WDR70: variants seen among roughly 807,000 people sequenced by gnomAD.
WDR70 encodes WD repeat-containing protein 70.
Under a neutral mutation model 88.6 loss-of-function variants are expected in WDR70, and 53 were observed. The observed-to-expected ratio is 0.60, with a 90% CI of 0.48 to 0.75. The LOEUF (loss-of-function observed/expected upper bound fraction) is 0.75. WDR70 is among the 30% of genes least tolerant of loss of function. WDR70 has a pLI of 0.00. For missense variants in WDR70, 610 were observed against 823.2 expected, an observed-to-expected ratio of 0.74 and a Z score of 3.17; for synonymous variants, 280 against 270.0, an observed-to-expected ratio of 1.04 and a Z score of -0.36.
intron 9 of WDR70, among the ~76,000 whole-genome samples, chr5:37,564,370 T>A (rs1742666791): frequency 6.6e-6 from 1 of 152,034 alleles, no homozygotes; most frequent in African/African-American, 2.4e-5. Context: ...CCAAAAAAAA[T>A]ACGAAAACCA....
intron 9 of WDR70, among the ~76,000 whole-genome samples, chr5:37,585,399 G>A (rs1290356906): frequency 6.6e-6 from 1 of 152,134 alleles, no homozygotes; most frequent in Admixed American, 6.5e-5. Flanking sequence ...GTCCCCAGAT[G>A]GATTCATTGT....
intron 7 of WDR70, among the ~76,000 whole-genome samples, chr5:37,473,964 ATAAATTTTCTACTAAATAC>A (rs1290553858): frequency 2.0e-5 from 3 of 152,192 alleles, no homozygotes; most frequent in Non-Finnish European, 4.4e-5. Flanking sequence ...ATTTAACTCC[ATAAATTTTCTACTAAATAC>A]TAAATTTTCT....
chr5:37,438,977 G>T (rs987345651), intron 6 of WDR70, among the ~76,000 whole-genome samples: 2 of 151,602 alleles, frequency 1.3e-5, no homozygotes, highest in African/African-American at 4.8e-5. Context: ...GAGTGCAGTG[G>T]TGTGATCTCG....
At chr5:37,575,494 G>C (rs1029138721) in intron 9 of WDR70, among the ~76,000 whole-genome samples, 1 of 152,168 alleles carries the variant, frequency 6.6e-6, no homozygotes, top group African/African-American at 2.4e-5. Context: ...TCCAGGGAGA[G>C]GAGTGAAGAT....
intron 16 of WDR70, among the ~76,000 whole-genome samples, chr5:37,726,651 T>A (rs979248705): frequency 2.0e-5 from 3 of 152,224 alleles, no homozygotes; most frequent in Admixed American, 6.5e-5. Context: ...GGTATCATTC[T>A]GTAAGTTAAG....
intron 7 of WDR70, among the ~76,000 whole-genome samples, chr5:37,474,729 C>T (rs559170123): frequency 2.0e-5 from 3 of 152,200 alleles, no homozygotes; most frequent in African/African-American, 7.2e-5. Context: ...CCCCTGCCAC[C>T]CAGGCCCCAA....
intron 7 of WDR70, among the ~76,000 whole-genome samples, chr5:37,469,582 G>A (rs1335175751): frequency 6.6e-6 from 1 of 152,224 alleles, no homozygotes; most frequent in Non-Finnish European, 1.5e-5. Flanking sequence ...GGGAGTAACA[G>A]AAGTAATAGT....
At chr5:37,687,872 AG>A in intron 10 of WDR70, 1 of 638,952 alleles carries the variant, frequency 1.6e-6, no homozygotes, top group Non-Finnish European at 2.9e-6. Context: ...CAATTTAGGG[AG>A]CATCAGATTC....
At chr5:37,487,822 C>T (rs1417738046) in intron 8 of WDR70, among the ~76,000 whole-genome samples, 4 of 151,564 alleles carry the variant, frequency 2.6e-5, no homozygotes, top group South Asian at 4.1e-4. Context: ...GTCGGGATTT[C>T]ACCATGTTGG....
At chr5:37,487,623 A>ATTTTTTTTT (rs1303879846) in intron 8 of WDR70, among the ~76,000 whole-genome samples, 27 of 18,604 alleles carry the variant, frequency 1.5e-3, no homozygotes, top group African/African-American at 2.8e-3. Context: ...ATATATATAT[A>ATTTTTTTTT]TGTATTTTTT....
intron 5 of WDR70, among the ~76,000 whole-genome samples, chr5:37,421,116 G>T (rs1031976619): frequency 1.3e-5 from 2 of 152,146 alleles, no homozygotes. Flanking sequence ...CTAGTATTCG[G>T]AAGTGCTAAG....
chr5:37,631,403 T>G (rs1581450043), intron 10 of WDR70, among the ~76,000 whole-genome samples: 1 of 152,292 alleles, frequency 6.6e-6, no homozygotes, highest in East Asian at 1.9e-4. Flanking sequence ...GCTATTTACC[T>G]CACCGTTAGT....
intron 17 of WDR70, among the ~76,000 whole-genome samples, chr5:37,749,407 A>T (rs1006106145): frequency 6.6e-6 from 1 of 151,838 alleles, no homozygotes; most frequent in Admixed American, 6.5e-5. Context: ...CATTGAGAAC[A>T]CAGAGAGGGG....
chr5:37,721,086 T>C (rs1052137984), intron 13 of WDR70, 29 bp from the exon 14 acceptor site: 3 of 1,605,768 alleles, frequency 1.9e-6, no homozygotes, highest in Admixed American at 1.7e-5. Context: ...CTGGCCTCTT[T>C]AGTCAACCAC....
intron 13 of WDR70, among the ~76,000 whole-genome samples, chr5:37,716,371 A>G (rs368121571): frequency 2.0e-5 from 3 of 152,172 alleles, no homozygotes; most frequent in East Asian, 3.8e-4. Flanking sequence ...TGGGCTTTTT[A>G]AAAAAATGAT....
At chr5:37,443,883 G>A (rs989784972) in intron 7 of WDR70, among the ~76,000 whole-genome samples, 17 of 151,746 alleles carry the variant, frequency 1.1e-4, no homozygotes, top group Admixed American at 3.3e-4. Context: ...GCACAGTGGC[G>A]CATGCCTGTA....
intron 10 of WDR70, among the ~76,000 whole-genome samples, chr5:37,658,007 G>C (rs1261388532): frequency 2.0e-5 from 3 of 152,132 alleles, no homozygotes; most frequent in Admixed American, 2.0e-4. Context: ...AATATGTACT[G>C]TCTTCTTACA....
chr5:37,421,701 A>G (rs930557967), intron 5 of WDR70, among the ~76,000 whole-genome samples: 1 of 152,138 alleles, frequency 6.6e-6, no homozygotes, highest in African/African-American at 2.4e-5. Context: ...AAATGAATCA[A>G]TCAACAAATA....
intron 7 of WDR70, among the ~76,000 whole-genome samples, chr5:37,478,517 G>C (rs1739556258): frequency 6.6e-6 from 1 of 152,202 alleles, no homozygotes; most frequent in African/African-American, 2.4e-5. Context: ...CATGTCAGAA[G>C]TTTATATTGG....
Sources: allele counts gnomAD v4.1 joint callset (sites outside exome capture counted in the v4.1 genomes callset), GRCh38; gene constraint gnomAD v4.1.1; transcripts MANE v1.5; gene names NCBI Gene and HGNC (gene_info 2026-07-23, HGNC 2026-07-21).